SIPA1L3: variants seen among roughly 807,000 people sequenced by gnomAD.
The protein encoded by SIPA1L3 is signal-induced proliferation-associated 1-like protein 3.
A neutral mutation model predicts 150.1 loss-of-function variants in SIPA1L3; 59 were observed. That is an observed-to-expected ratio of 0.39 (90% CI 0.32 to 0.49). SIPA1L3 has a LOEUF of 0.49. SIPA1L3 is among the 20% of genes least tolerant of loss of function. SIPA1L3 has a pLI of 0.86. For missense variants in SIPA1L3, 2,211 were observed against 2,489.5 expected (o/e 0.89, Z 2.38); for synonymous variants, 1,070 against 1,077.6 (o/e 0.99, Z 0.14).
intron 2 of SIPA1L3, among the ~76,000 whole-genome samples, chr19:38,080,562 C>A (rs2145819468): frequency 6.6e-6 from 1 of 152,086 alleles, no homozygotes; most frequent in South Asian, 2.1e-4. Flanking sequence ...CAGGGTAGTG[C>A]ATGACATTAA....
At chr19:38,137,240 G>A (rs1212526487) in intron 10 of SIPA1L3, among the ~76,000 whole-genome samples, 1 of 151,968 alleles carries the variant, frequency 6.6e-6, no homozygotes, top group Non-Finnish European at 1.5e-5. Context: ...CCAGGCTGGA[G>A]TGCAGTGGCA....
intron 1 of SIPA1L3, among the ~76,000 whole-genome samples, chr19:37,913,334 A>G (rs2046391150): frequency 6.6e-6 from 1 of 152,154 alleles, no homozygotes; most frequent in Non-Finnish European, 1.5e-5. Context: ...TCAACAAGAC[A>G]GACAAGATCC....
intron 2 of SIPA1L3, among the ~76,000 whole-genome samples, chr19:38,056,911 T>G (rs1486514865): frequency 6.6e-6 from 1 of 151,750 alleles, no homozygotes; most frequent in Non-Finnish European, 1.5e-5. Context: ...TTTAAAAAAT[T>G]AGTCAGGCAT....
intron 1 of SIPA1L3, among the ~76,000 whole-genome samples, chr19:38,015,813 T>G (rs1012872608): frequency 6.6e-6 from 1 of 151,842 alleles, no homozygotes; most frequent in Admixed American, 6.6e-5. Flanking sequence ...TTCTTTCTGC[T>G]GTGTTCGAAG....
At chr19:38,135,093 A>G (rs1292178563) in intron 10 of SIPA1L3, among the ~76,000 whole-genome samples, 1 of 152,196 alleles carries the variant, frequency 6.6e-6, no homozygotes, top group East Asian at 1.9e-4. Flanking sequence ...AGCAAAGCAA[A>G]ATTCAAATCC....
chr19:38,192,644 G>C (rs1213326674), intron 17 of SIPA1L3, among the ~76,000 whole-genome samples: 1 of 152,208 alleles, frequency 6.6e-6, no homozygotes, highest in Non-Finnish European at 1.5e-5. Flanking sequence ...CACAGGGACT[G>C]AGAGTGGAGC....
intron 1 of SIPA1L3, among the ~76,000 whole-genome samples, chr19:38,004,957 G>A (rs146635058): frequency 2.5e-4 from 38 of 152,276 alleles, no homozygotes; most frequent in African/African-American, 8.9e-4. Context: ...TTCAGTACAG[G>A]CCCCCAGAGA....
At position 37,956,482 on chromosome 19, in the gene SIPA1L3, G is replaced by GTTTT. The variant is rs34804753; in HGVS notation, c.-379+49125_-379+49128dup. On this transcript the variant is annotated intron_variant, in intron 1 of 21. Transcript: ENST00000222345. Reference sequence around the variant, plus strand: ...TAGTCATGCCTTTGGAAGTATAAAAGTTTTGTTTTTTTTTTTTTTTGAGAC... The same window carrying GTTTT: ...TAGTCATGCCTTTGGAAGTATAAAAGTTTTTTTTGTTTTTTTTTTTTTTTGAGAC... Among the ~76,000 whole-genome samples the GTTTT allele has an allele frequency of 2.4e-3, 308 of 126,782 alleles. 19 individuals carry two copies. Among genetic ancestry groups the GTTTT allele is most frequent in the East Asian group, 5.8e-3 (25 of 4,306 alleles). The allele number at this position is 126,782 out of a possible 152,430, so 83.2% of individuals were successfully genotyped here.
chr19:38,079,057 T>G (rs367586550), intron 2 of SIPA1L3, among the ~76,000 whole-genome samples: 10 of 152,218 alleles, frequency 6.6e-5, no homozygotes, highest in African/African-American at 2.4e-4. Flanking sequence ...TCCTGGACGT[T>G]CTAGATGGCT....
At chr19:38,041,098 T>G (rs530520515) in intron 2 of SIPA1L3, among the ~76,000 whole-genome samples, 53 of 136,240 alleles carry the variant, frequency 3.9e-4, no homozygotes, top group African/African-American at 1.3e-3. Context: ...TTATTTATTT[T>G]ATTATTATTA....
chr19:38,110,192 A>T, intron 7 of SIPA1L3, 35 bp from the exon 8 acceptor site: 1 of 1,607,350 alleles, frequency 6.2e-7, no homozygotes, highest in South Asian at 1.1e-5. Context: ...CCGACCTGTG[A>T]CAGGTTCCTG....
Position 38,206,115 on chromosome 19 carries a change from G to C in SIPA1L3, c.5221G>C (p.Val1741Leu). The C allele has an allele frequency of 1.9e-6, 3 of 1,549,774 alleles. No homozygotes were observed. Among genetic ancestry groups the C allele is most frequent in the Non-Finnish European group, 2.6e-6 (3 of 1,146,140 alleles). ...DLQKEKQDKV[V>L]LQSEVASLRQ... ...TGTGCAGGAGAAGCAGGACAAGGTGGTGCTCCAGTCAGAGGTGGCCAGCCT... is the reference window on the plus strand; with the variant it reads ...TGTGCAGGAGAAGCAGGACAAGGTGCTGCTCCAGTCAGAGGTGGCCAGCCT... The change falls in exon 22 of 22, where the codon GTG becomes CTG. Residue 1741 changes from valine (V) to leucine (L), a missense_variant. Val to Leu is a conservative substitution (Grantham distance 32). Around this residue, in one of 5 missense-constraint regions of SIPA1L3, gnomAD observed 63 missense variants for 106.1 expected, o/e 0.59. Transcript: ENST00000222345.
At chr19:38,170,156 C>G (rs1972294699) in intron 15 of SIPA1L3, among the ~76,000 whole-genome samples, 1 of 152,058 alleles carries the variant, frequency 6.6e-6, no homozygotes, top group East Asian at 1.9e-4. Flanking sequence ...GAGAAAGAGT[C>G]TGAGCTAGCC....
intron 1 of SIPA1L3, among the ~76,000 whole-genome samples, chr19:38,000,476 C>CAAAAA (rs931671031): frequency 4.5e-5 from 2 of 44,024 alleles, no homozygotes; most frequent in South Asian, 7.5e-4. Flanking sequence ...GACTCTGTCT[C>CAAAAA]AAAAAAAAAA....
intron 1 of SIPA1L3, among the ~76,000 whole-genome samples, chr19:37,960,608 C>T (rs2046849245): frequency 6.6e-6 from 1 of 151,668 alleles, no homozygotes; most frequent in African/African-American, 2.4e-5. Flanking sequence ...GGGGTTTCAC[C>T]TTGTTAGCCA....
intron 1 of SIPA1L3, among the ~76,000 whole-genome samples, chr19:37,975,468 C>T (rs1482357461): frequency 6.6e-6 from 1 of 152,114 alleles, no homozygotes; most frequent in African/African-American, 2.4e-5. Context: ...TCCCCACCCA[C>T]CAGCACGTCA....
chr19:38,173,904 G>A (rs967302240), intron 15 of SIPA1L3, among the ~76,000 whole-genome samples: 2 of 151,694 alleles, frequency 1.3e-5, no homozygotes, highest in Non-Finnish European at 2.9e-5. Context: ...AACAGCTTCC[G>A]CATGGCTGGA....
At chr19:38,062,706 T>G (rs79674885) in intron 2 of SIPA1L3, among the ~76,000 whole-genome samples, 1 of 152,086 alleles carries the variant, frequency 6.6e-6, no homozygotes, top group Non-Finnish European at 1.5e-5. Flanking sequence ...CTGTAACTGC[T>G]GCCTCACGGG....
At chr19:37,960,971 G>T (rs353417) in intron 1 of SIPA1L3, among the ~76,000 whole-genome samples, 46,481 of 151,516 alleles carry the variant, frequency 0.31, 8,818 homozygotes, top group East Asian at 0.68. Context: ...TGGGTTGAAG[G>T]GATCCTCCCG....
Sources: allele counts gnomAD v4.1 joint callset (sites outside exome capture counted in the v4.1 genomes callset), GRCh38; gene constraint gnomAD v4.1.1; regional missense constraint gnomAD v4.1.1; transcripts MANE v1.5; gene names NCBI Gene and HGNC (gene_info 2026-07-23, HGNC 2026-07-21).